The following GTF3C1 variants were observed in gnomAD, a reference collection of about 807,000 sequenced individuals.
GTF3C1 encodes general transcription factor IIIC subunit 1.
A neutral mutation model predicts 226.7 loss-of-function variants in GTF3C1; 57 were observed. The observed-to-expected ratio is 0.25, with a 90% CI of 0.20 to 0.31. The LOEUF is 0.31. GTF3C1 is among the 10% of genes least tolerant of loss of function. The pLI, the probability that GTF3C1 is intolerant of heterozygous loss-of-function variation, is 1.00. For missense variants in GTF3C1, 2,217 were observed against 2,776.1 expected, an observed-to-expected ratio of 0.80 and a Z score of 4.53; for synonymous variants, 1,090 against 1,084.8, an observed-to-expected ratio of 1.00 and a Z score of -0.09.
At chr16:27,484,725 T>C (rs1358552977) in intron 24 of GTF3C1, among the ~76,000 whole-genome samples, 5 of 152,266 alleles carry the variant, frequency 3.3e-5, no homozygotes, top group Non-Finnish European at 1.5e-5. Flanking sequence ...GCATCATGTG[T>C]GCTCAGAAAC....
intron 1 of GTF3C1, among the ~76,000 whole-genome samples, chr16:27,549,112 C>T (rs777912110): frequency 1.3e-5 from 2 of 152,024 alleles, no homozygotes; most frequent in African/African-American, 4.8e-5. Context: ...GAGCCAAGAT[C>T]GCGCCACTGC....
intron 19 of GTF3C1, among the ~76,000 whole-genome samples, chr16:27,490,809 A>G (rs2088221956): frequency 6.6e-6 from 1 of 152,180 alleles, no homozygotes; most frequent in South Asian, 2.1e-4. Flanking sequence ...ATCTCATTAT[A>G]TGACGCTTTT....
intron 5 of GTF3C1, among the ~76,000 whole-genome samples, chr16:27,532,181 T>A (rs530583498): frequency 1.3e-5 from 2 of 152,318 alleles, no homozygotes; most frequent in East Asian, 1.9e-4. Context: ...GTCAAATTTA[T>A]TTTTAACAGA....
intron 34 of GTF3C1, 81 bp downstream of exon 34, chr16:27,464,239 G>C (rs79957355): frequency 0.043 from 36,099 of 842,262 alleles, 938 homozygotes; most frequent in Admixed American, 0.086. Context: ...ATCCTCGGAG[G>C]AAGGTGTGAG....
At chr16:27,515,033 G>T (rs989045515) in intron 6 of GTF3C1, among the ~76,000 whole-genome samples, 2 of 152,184 alleles carry the variant, frequency 1.3e-5, no homozygotes, top group African/African-American at 2.4e-5. Context: ...AGGCTAATTG[G>T]CTAGGAAAAG....
In GTF3C1 at chr16:27,536,657, C is replaced by A. The variant is rs145736127; in HGVS notation, c.752+1127G>T. Among the ~76,000 whole-genome samples, 48 of 152,298 alleles carry A rather than the reference C, an allele frequency of 3.2e-4. 1 individual carries two copies. Among genetic ancestry groups the A allele is most frequent in the African/African-American group, 8.7e-4 (36 of 41,552 alleles). ...ATGTGCACTGTAAACTTTAACATTTCTATGTAATCATTCCCCCCACTTTTG... is the reference window on the plus strand; with the variant it reads ...ATGTGCACTGTAAACTTTAACATTTATATGTAATCATTCCCCCCACTTTTG... On this transcript the variant is annotated intron_variant, in intron 4 of 36. Coordinates refer to ENST00000356183, the MANE Select transcript of GTF3C1 (RefSeq NM_001520.4).
chr16:27,462,594 G>A lies in GTF3C1; in HGVS notation c.5925-108C>T, dbSNP rs1408685688. On this transcript the variant is annotated intron_variant, in intron 35 of 36. Coordinates refer to ENST00000356183, the MANE Select transcript of GTF3C1 (RefSeq NM_001520.4). This position sits in a 1 kb window ranked among gnomAD's most constrained non-coding sequence, Gnocchi z 4.5. ...TCCTAGGCCTGGCCCAGGTCACAGG[G>A]CTGAGACCAGCCACCTCTTGCTCTC... The A allele has an allele frequency of 3.0e-5, 22 of 730,884 alleles. No individual in the cohort carries two copies. The highest frequency in any genetic ancestry group is 5.1e-5 in the Non-Finnish European group (22 of 431,838). The allele number at this position is 730,884 out of a possible 1,614,324, so 45.3% of individuals were successfully genotyped here.
rs2087749249 is a variant in GTF3C1, at chr16:27,464,300, G to A, written c.5872+20C>T. The A allele has an allele frequency of 7.0e-7, 1 of 1,430,990 alleles. No individual in the cohort carries two copies. The highest frequency in any genetic ancestry group is 9.2e-7 in the Non-Finnish European group (1 of 1,086,724). 88.6% of individuals were successfully genotyped at this position (1,430,990 alleles called of 1,614,324 possible). ...AGCCAGGGTGGGGTGAGGTGGGGTG[G>A]GGGACAAGGCGCGCGGTACCTCTGG... On this transcript the variant is annotated intron_variant, in intron 34 of 36. Coordinates refer to ENST00000356183, the MANE Select transcript of GTF3C1 (RefSeq NM_001520.4).
At chr16:27,497,586 A>G (rs1278413277) in intron 14 of GTF3C1, 51 bp downstream of exon 14, 1 of 1,476,712 alleles carries the variant, frequency 6.8e-7, no homozygotes, top group South Asian at 1.2e-5. Context: ...ACATTGTCAT[A>G]CAAACAACAA....
In GTF3C1 at chr16:27,507,108, A is replaced by G; in HGVS notation, c.1291T>C (p.Cys431Arg). The change falls in exon 9 of 37, where the codon TGC (cysteine) becomes CGC (arginine). Residue 431 changes from cysteine to arginine, a missense_variant. Physicochemically the swap from Cys to Arg is radical, Grantham distance 180. Coordinates refer to ENST00000356183, the MANE Select transcript of GTF3C1 (RefSeq NM_001520.4). The surrounding 1 kb of genome is among the most constrained non-coding windows in gnomAD (Gnocchi z 4.9). ...GRQRTTKYIS[C>R]VFAEESDLSR... ...AGGTCGCTCTCCTCTGCAAACACGC[A>G]GGAAATGTACTTGGTGGTTCGCTGC... is the stretch of plus-strand genomic sequence containing the variant. The G allele has an allele frequency of 1.9e-6, 3 of 1,613,512 alleles. No homozygotes were observed. Among genetic ancestry groups the G allele is most frequent in the Non-Finnish European group, 2.5e-6 (3 of 1,179,866 alleles).
intron 2 of GTF3C1, 151 bp from the exon 3 acceptor site, chr16:27,538,507 G>A (rs2089034517): frequency 1.8e-6 from 1 of 545,524 alleles, no homozygotes; most frequent in Non-Finnish European, 3.2e-6. Flanking sequence ...TTCAGTCTTA[G>A]AAGTGTAGTG....
chr16:27,528,820 A>ATTGATTATC, intron 5 of GTF3C1, 99 bp from the exon 6 acceptor site: 1 of 1,174,740 alleles, frequency 8.5e-7, no homozygotes, highest in East Asian at 2.4e-5. Context: ...ACCTGAATTA[A>ATTGATTATC]TTGATTATCT....
chr16:27,470,483 A>G lies in GTF3C1; in HGVS notation c.4527-88T>C. The G allele has an allele frequency of 9.2e-7, 1 of 1,087,962 alleles. No individual in the cohort carries two copies. Among genetic ancestry groups the G allele is most frequent in the Non-Finnish European group, 1.4e-6 (1 of 735,164 alleles). 67.4% of individuals were successfully genotyped at this position (1,087,962 alleles called of 1,614,324 possible). Reference sequence around the variant, plus strand: ...TGGACTATGAGCACGTCAAACCATTATGGTGAGAACTAAGCAAAACGCCCC... The same window carrying G: ...TGGACTATGAGCACGTCAAACCATTGTGGTGAGAACTAAGCAAAACGCCCC... On this transcript the variant is annotated intron_variant, in intron 30 of 36. Coordinates refer to ENST00000356183, the MANE Select transcript of GTF3C1 (RefSeq NM_001520.4). This position sits in a 1 kb window ranked among gnomAD's most constrained non-coding sequence, Gnocchi z 4.9.
chr16:27,490,206 G>A (rs1462726616), intron 19 of GTF3C1, among the ~76,000 whole-genome samples: 1 of 152,230 alleles, frequency 6.6e-6, no homozygotes. Flanking sequence ...CAGCAGGCCT[G>A]GGCCCCACCT....
intron 21 of GTF3C1, 38 bp downstream of exon 21, chr16:27,489,005 G>A (rs1299974976): frequency 6.3e-7 from 1 of 1,595,522 alleles, no homozygotes; most frequent in African/African-American, 1.3e-5. Context: ...GAGTAGCGAG[G>A]ACCCCTGAGA....
At chr16:27,490,389 ACT>A (rs1339457002) in intron 19 of GTF3C1, among the ~76,000 whole-genome samples, 2 of 151,966 alleles carry the variant, frequency 1.3e-5, no homozygotes, top group Admixed American at 6.6e-5. Context: ...ACTCTCAAAG[ACT>A]CTCTCCTAGC....
chr16:27,477,245 A>ATTGTTGT, intron 28 of GTF3C1, among the ~76,000 whole-genome samples: 1 of 152,140 alleles, frequency 6.6e-6, no homozygotes, highest in Non-Finnish European at 1.5e-5. Flanking sequence ...AAATGAAGAC[A>ATTGTTGT]ACAAGGATGA....
At chr16:27,496,338 A>C (rs560887577) in intron 14 of GTF3C1, among the ~76,000 whole-genome samples, 3 of 152,340 alleles carry the variant, frequency 2.0e-5, no homozygotes, top group African/African-American at 7.2e-5. Flanking sequence ...CAGAGGGCCT[A>C]AGAAGCTACT....
intron 29 of GTF3C1, among the ~76,000 whole-genome samples, chr16:27,475,130 C>T (rs764109337): frequency 1.0e-3 from 155 of 152,348 alleles, no homozygotes; most frequent in Non-Finnish European, 6.9e-4. Flanking sequence ...TGCAGCGCCC[C>T]GCCAGGGTCA....
Sources: allele counts gnomAD v4.1 joint callset (sites outside exome capture counted in the v4.1 genomes callset), GRCh38; gene constraint gnomAD v4.1.1; non-coding constraint Gnocchi (gnomAD v3.1); transcripts MANE v1.5; gene names NCBI Gene and HGNC (gene_info 2026-07-23, HGNC 2026-07-21).